The following IL7 variants were observed in gnomAD, a reference collection of about 807,000 sequenced individuals.
IL7 encodes the protein interleukin-7.
Under a neutral mutation model 21.6 loss-of-function variants are expected in IL7, and 3 were observed. The ratio of observed to expected loss-of-function variants is 0.14; its 90% CI spans 0.06 to 0.36. The LOEUF is 0.36. Ranked by LOEUF, IL7 falls within the 10% of genes least tolerant of loss-of-function variation. The pLI, the probability that IL7 is intolerant of heterozygous loss-of-function variation, is 1.00. For synonymous variants in IL7, 62 were observed against 68.1 expected, an observed-to-expected ratio of 0.91 and a Z score of 0.44; for missense variants, 175 against 200.2, an observed-to-expected ratio of 0.87 and a Z score of 0.76.
chr8:78,765,695 G>A (rs954892100), intron 2 of IL7, among the ~76,000 whole-genome samples: 1 of 152,088 alleles, frequency 6.6e-6, no homozygotes, highest in Admixed American at 6.5e-5. Flanking sequence ...TGCTGGCAAG[G>A]ATGTAAAGCA....
intron 2 of IL7, among the ~76,000 whole-genome samples, chr8:78,771,416 A>G (rs950898737): frequency 6.6e-6 from 1 of 152,110 alleles, no homozygotes; most frequent in Non-Finnish European, 1.5e-5. Flanking sequence ...GGATTTTTTC[A>G]TAGATAATCC....
chr8:78,726,696 C>T (rs1811347033), intron 3 of IL7, among the ~76,000 whole-genome samples: 1 of 151,922 alleles, frequency 6.6e-6, no homozygotes, highest in African/African-American at 2.4e-5. Flanking sequence ...CAAACTGAGA[C>T]TTTCCTCCCC....
At chr8:78,777,101 A>G (rs751044612) in intron 2 of IL7, among the ~76,000 whole-genome samples, 1 of 152,100 alleles carries the variant, frequency 6.6e-6, no homozygotes, top group Non-Finnish European at 1.5e-5. Flanking sequence ...GTGATCGACA[A>G]TGTCTTCATC....
intron 2 of IL7, among the ~76,000 whole-genome samples, chr8:78,788,385 C>G (rs1813581097): frequency 6.6e-6 from 1 of 152,024 alleles, no homozygotes; most frequent in Non-Finnish European, 1.5e-5. Flanking sequence ...ATTTAATACC[C>G]TAAGCACTGC....
Position 78,762,382 on chromosome 8 carries a change from G to T in IL7, c.148-22300C>A, listed in dbSNP as rs1405813895. 11 of 1,612,206 alleles carry T rather than the reference G, an allele frequency of 6.8e-6. No homozygotes were observed. In the Admixed American group the frequency reaches 1.0e-4, roughly 15 times the overall value. Reference sequence around the variant, plus strand: ...AGCTGAAGAAGGCCAAGTCAAGTCGGACTGCGTGCTCTTCCGCGTGCAGTT... The same window carrying T: ...AGCTGAAGAAGGCCAAGTCAAGTCGTACTGCGTGCTCTTCCGCGTGCAGTT... On this transcript the variant is annotated intron_variant, in intron 2 of 5. Coordinates refer to ENST00000263851, the MANE Select transcript of IL7 (RefSeq NM_000880.4).
intron 2 of IL7, among the ~76,000 whole-genome samples, chr8:78,753,592 T>A (rs1324609959): frequency 1.3e-5 from 2 of 152,212 alleles, no homozygotes; most frequent in Non-Finnish European, 2.9e-5. Flanking sequence ...AGATACCATT[T>A]GTCAATTTGG....
At chr8:78,714,862 A>AT (rs2130613749), downstream of IL7, among the ~76,000 whole-genome samples, 1 of 152,280 alleles carries the variant, frequency 6.6e-6, no homozygotes, top group South Asian at 2.1e-4. Flanking sequence ...TTGTTTGTTT[A>AT]TTTAACCATT....
At chr8:78,716,105 G>C (rs1811092594), downstream of IL7, among the ~76,000 whole-genome samples, 1 of 145,598 alleles carries the variant, frequency 6.9e-6, no homozygotes, top group African/African-American at 2.5e-5. Context: ...CTTTATTACT[G>C]TTTTTTTTTG....
At chr8:78,774,267 C>T (rs1039316825) in intron 2 of IL7, among the ~76,000 whole-genome samples, 6 of 151,962 alleles carry the variant, frequency 3.9e-5, no homozygotes, top group African/African-American at 1.5e-4. Context: ...CATCTAATGC[C>T]CAACATTGCT....
intron 1 of IL7, among the ~76,000 whole-genome samples, chr8:78,798,608 C>T (rs748070633): frequency 6.6e-6 from 1 of 151,872 alleles, no homozygotes; most frequent in Non-Finnish European, 1.5e-5. Flanking sequence ...ATGTACTGCA[C>T]GTAATTGTAT....
intron 2 of IL7, among the ~76,000 whole-genome samples, chr8:78,747,248 T>G (rs947770269): frequency 1.8e-4 from 26 of 143,358 alleles, no homozygotes; most frequent in Admixed American, 1.7e-3. Flanking sequence ...TGCAGTGGCA[T>G]GGTCTCGGCT....
Position 78,733,841 on chromosome 8 carries a change from T to C in IL7, c.415-9A>G, listed in dbSNP as rs559868751. Reference sequence around the variant, plus strand: ...AAAGATTTATTTTCTTCCTAGAGAATAGAGTTTTAAAAGTTTAAACTTCAC... The same window carrying C: ...AAAGATTTATTTTCTTCCTAGAGAACAGAGTTTTAAAAGTTTAAACTTCAC... On this transcript the variant is annotated splice_polypyrimidine_tract_variant and intron_variant, in intron 5 of 5. Transcript: ENST00000263851. 2.3e-5 allele frequency: 34 copies of C among 1,501,544 alleles called. No homozygotes were observed. The highest frequency in any genetic ancestry group is 4.6e-5 in the Admixed American group (2 of 43,712). 93.0% of individuals were successfully genotyped at this position (1,501,544 alleles called of 1,614,324 possible). A position where few individuals can be genotyped will look rare whatever the true frequency, so the allele number is the denominator to read the frequency against.
In IL7 at chr8:78,738,643, A is replaced by G. The variant is rs1449464124; in HGVS notation, c.229-8T>C. On this transcript the variant is annotated splice_region_variant and splice_polypyrimidine_tract_variant and intron_variant, in intron 3 of 5. Transcript: ENST00000263851. Reference sequence around the variant, plus strand: ...GAATAAAAACATACCTTCCTATTATAGGAAAAAGTCAGAAGGGCCATGGTT... The same window carrying G: ...GAATAAAAACATACCTTCCTATTATGGGAAAAAGTCAGAAGGGCCATGGTT... 2 of 1,611,484 alleles carry G rather than the reference A, an allele frequency of 1.2e-6. No homozygotes were observed. Among genetic ancestry groups the G allele is most frequent in the Admixed American group, 3.4e-5 (2 of 59,668 alleles).
intron 3 of IL7, chr8:78,697,560 C>A (rs1810465436): frequency 2.9e-6 from 4 of 1,386,946 alleles, no homozygotes; most frequent in Admixed American, 3.9e-5. Flanking sequence ...GTTGGCAGAG[C>A]AGGAAATAAA....
intron 2 of IL7, among the ~76,000 whole-genome samples, chr8:78,789,818 T>A (rs1813627087): frequency 6.6e-6 from 1 of 152,156 alleles, no homozygotes; most frequent in African/African-American, 2.4e-5. Flanking sequence ...CCATCAAAGA[T>A]GATTCTAGGC....
At chr8:78,713,361 T>C (rs1296490736), downstream of IL7, among the ~76,000 whole-genome samples, 1 of 152,162 alleles carries the variant, frequency 6.6e-6, no homozygotes, top group African/African-American at 2.4e-5. Flanking sequence ...TATAAACATT[T>C]TGAACAACCT....
chr8:78,680,973 T>C (rs1468785852), intron 4 of IL7, among the ~76,000 whole-genome samples: 1 of 151,518 alleles, frequency 6.6e-6, no homozygotes, highest in African/African-American at 2.4e-5. Context: ...ATGGTGGGAG[T>C]AGGAACAGAG....
At chr8:78,745,147 A>G (rs1353639127) in intron 2 of IL7, among the ~76,000 whole-genome samples, 2 of 152,214 alleles carry the variant, frequency 1.3e-5, no homozygotes, top group African/African-American at 4.8e-5. Context: ...TTCTTAAAAT[A>G]CATAATGTTC....
chr8:78,725,694 C>G (rs546897626), intron 3 of IL7, among the ~76,000 whole-genome samples: 6 of 151,812 alleles, frequency 4.0e-5, no homozygotes, highest in Admixed American at 3.3e-4. Context: ...CTTCCTTAAC[C>G]CAATCGTAGT....
Sources: gnomAD v4.1 joint callset for allele counts (sites outside exome capture counted in the v4.1 genomes callset) on GRCh38, gnomAD v4.1.1 for gene constraint, MANE v1.5 for transcripts, NCBI Gene and HGNC (gene_info 2026-07-23, HGNC 2026-07-21) for gene names.